The following PLCB4 variants were observed in gnomAD, a reference collection of about 807,000 sequenced individuals.
The protein encoded by PLCB4 is phospholipase C beta 4, also known as 1-phosphatidylinositol 4,5-bisphosphate phosphodiesterase beta-4.
PLCB4 carries 77 observed loss-of-function variants against 178.8 expected under a neutral mutation model. The observed-to-expected ratio is 0.43, with a 90% CI of 0.36 to 0.52. The LOEUF is 0.52. Ranked by LOEUF, PLCB4 falls within the 20% of genes least tolerant of loss-of-function variation. The pLI, the probability that PLCB4 is intolerant of heterozygous loss-of-function variation, is 0.00. For missense variants in PLCB4, 1,024 were observed against 1,453.4 expected, an observed-to-expected ratio of 0.70 and a Z score of 4.80; for synonymous variants, 496 against 490.8, an observed-to-expected ratio of 1.01 and a Z score of -0.14.
chr20:9,473,660 C>T (rs570939479), intron 38 of PLCB4, among the ~76,000 whole-genome samples: 12 of 152,206 alleles, frequency 7.9e-5, no homozygotes, highest in African/African-American at 2.4e-4. Flanking sequence ...AAAGAGATTA[C>T]GAAGTATTTC....
At chr20:9,081,693 A>G (rs1488948606) in intron 1 of PLCB4, among the ~76,000 whole-genome samples, 2 of 151,802 alleles carry the variant, frequency 1.3e-5, no homozygotes, top group African/African-American at 4.8e-5. Context: ...TGTCTCTTAA[A>G]TGAATAAATA....
intron 3 of PLCB4, among the ~76,000 whole-genome samples, chr20:9,259,880 G>A (rs1194190757): frequency 6.6e-6 from 1 of 151,890 alleles, no homozygotes; most frequent in Non-Finnish European, 1.5e-5. Context: ...GATGTATTTG[G>A]TTAAATAACA....
At chr20:9,462,282 G>A (rs1385212059) in intron 35 of PLCB4, among the ~76,000 whole-genome samples, 2 of 152,100 alleles carry the variant, frequency 1.3e-5, no homozygotes, top group South Asian at 2.1e-4. Flanking sequence ...AAAGACAAAA[G>A]GTAGATAAAA....
At chr20:9,364,563 T>C (rs138584319) in intron 8 of PLCB4, among the ~76,000 whole-genome samples, 156 of 152,296 alleles carry the variant, frequency 1.0e-3, no homozygotes, top group African/African-American at 3.7e-3. Context: ...CTGGCACAAA[T>C]CACATGAGTT....
At chr20:9,109,974 C>T (rs1012899752) in intron 2 of PLCB4, among the ~76,000 whole-genome samples, 3 of 152,002 alleles carry the variant, frequency 2.0e-5, no homozygotes, top group Non-Finnish European at 2.9e-5. Flanking sequence ...TTTCTTCTAG[C>T]CCTGATGTTC....
chr20:9,401,151 T>C (rs16995856), intron 19 of PLCB4, among the ~76,000 whole-genome samples: 2,803 of 152,320 alleles, frequency 0.018, 94 homozygotes, highest in African/African-American at 0.062. Flanking sequence ...TTATGAGTTA[T>C]AGATATTCCT....
chr20:9,088,550 C>T (rs749276240), intron 1 of PLCB4, among the ~76,000 whole-genome samples: 34 of 152,252 alleles, frequency 2.2e-4, no homozygotes, highest in Middle Eastern at 3.4e-3. Flanking sequence ...ATGAGAAATA[C>T]TAAGTACCAA....
At chr20:9,378,657 G>T (rs2036882284) in intron 12 of PLCB4, among the ~76,000 whole-genome samples, 1 of 152,108 alleles carries the variant, frequency 6.6e-6, no homozygotes, top group African/African-American at 2.4e-5. Context: ...AACAGTTTCT[G>T]TTGTAGCATA....
intron 13 of PLCB4, 48 bp downstream of exon 13, chr20:9,380,210 C>G: frequency 1.1e-6 from 1 of 946,486 alleles, no homozygotes; most frequent in Non-Finnish European, 1.6e-6. Context: ...AGAAAAGATG[C>G]AACTTTTAAA....
At chr20:9,129,855 A>G (rs753599512) in intron 2 of PLCB4, among the ~76,000 whole-genome samples, 3 of 152,170 alleles carry the variant, frequency 2.0e-5, no homozygotes, top group Non-Finnish European at 4.4e-5. Flanking sequence ...ATCCCGAAGA[A>G]AGAAGAAAAA....
intron 4 of PLCB4, among the ~76,000 whole-genome samples, chr20:9,335,868 A>G (rs571492227): frequency 1.5e-4 from 23 of 152,316 alleles, no homozygotes; most frequent in Admixed American, 3.3e-4. Flanking sequence ...ATAAATACAT[A>G]CAGTAATACT....
intron 16 of PLCB4, 125 bp from the exon 17 acceptor site, chr20:9,390,406 A>G: frequency 1.9e-6 from 1 of 532,740 alleles, no homozygotes; most frequent in Non-Finnish European, 3.4e-6. Flanking sequence ...ATCTCACATT[A>G]GCATTAAGAG....
intron 2 of PLCB4, among the ~76,000 whole-genome samples, chr20:9,143,723 T>C (rs1014321821): frequency 2.6e-5 from 4 of 152,120 alleles, no homozygotes; most frequent in African/African-American, 9.7e-5. Context: ...TTTAGGAGAT[T>C]ATACTATACA....
In PLCB4 at chr20:9,426,107, TCTAGAAAAAAAAATGTTTTTTTTCCC is replaced by T. The variant is rs376839799; in HGVS notation, c.2524+2160_2524+2185del. ...CTCAGCACCATCACACTCAGCATTT[TCTAGAAAAAAAAATGTTTTTTTTCCC>T]CTAGGAAAAAAAAGAAACTCATCAA... On this transcript the variant is annotated intron_variant, in intron 28 of 39. Coordinates refer to ENST00000378473, the MANE Select transcript of PLCB4 (RefSeq NM_001377142.1). Among the ~76,000 whole-genome samples the T allele has an allele frequency of 8.0e-3, 1,213 of 151,818 alleles. 13 individuals carry two copies. Among genetic ancestry groups the T allele is most frequent in the African/African-American group, 0.026 (1,068 of 41,322 alleles).
chr20:9,478,420 A>T (rs1020696454), intron 39 of PLCB4, among the ~76,000 whole-genome samples: 1 of 152,232 alleles, frequency 6.6e-6, no homozygotes, highest in African/African-American at 2.4e-5. Flanking sequence ...TCTCACCTGA[A>T]CTTCTCTATC....
chr20:9,336,470 T>C (rs552694480), intron 4 of PLCB4, among the ~76,000 whole-genome samples: 1 of 152,156 alleles, frequency 6.6e-6, no homozygotes, highest in Admixed American at 6.5e-5. Flanking sequence ...TGTCAAACTT[T>C]CGTGTGTGTT....
chr20:9,069,524 G>T lies in PLCB4; in HGVS notation c.-135+318G>T, dbSNP rs533922108. Among the ~76,000 whole-genome samples, 11 of 152,276 alleles carry T rather than the reference G, an allele frequency of 7.2e-5. 1 individual carries two copies. The highest frequency in any genetic ancestry group is 3.9e-4 in the Admixed American group (6 of 15,310). On this transcript the variant is annotated intron_variant, in intron 1 of 39. Coordinates refer to ENST00000378473, the MANE Select transcript of PLCB4 (RefSeq NM_001377142.1). ...ATTTTGGTTGGAAATAGTTGGCACC[G>T]TGCAACGCATGTAAATGTGTATGCG...
At chr20:9,289,235 C>A (rs1601630319) in intron 3 of PLCB4, among the ~76,000 whole-genome samples, 1 of 152,058 alleles carries the variant, frequency 6.6e-6, no homozygotes, top group East Asian at 1.9e-4. Flanking sequence ...TATTAAAATA[C>A]TCCCTATAAA....
At chr20:9,338,158 T>C in intron 6 of PLCB4, 91 bp downstream of exon 6, 1 of 811,378 alleles carries the variant, frequency 1.2e-6, no homozygotes, top group Admixed American at 2.0e-5. Flanking sequence ...TCACTCTTTG[T>C]ATCCAGGCTA....
Sources: gnomAD v4.1 joint callset for allele counts (sites outside exome capture counted in the v4.1 genomes callset) on GRCh38, gnomAD v4.1.1 for gene constraint, MANE v1.5 for transcripts, NCBI Gene and HGNC (gene_info 2026-07-23, HGNC 2026-07-21) for gene names.